RTTN: variants seen among roughly 807,000 people sequenced by gnomAD.
The protein encoded by RTTN is rotatin.
In RTTN, 182 loss-of-function variants were observed where a neutral mutation model predicts 269.2. The observed-to-expected ratio is 0.68, with a 90% CI of 0.60 to 0.76. RTTN has a LOEUF of 0.76. Ranked by LOEUF, RTTN falls within the 30% of genes least tolerant of loss-of-function variation. The pLI is 0.00. For missense variants in RTTN, 2,545 were observed against 2,608.6 expected, an observed-to-expected ratio of 0.98 and a Z score of 0.53; for synonymous variants, 1,006 against 963.5, an observed-to-expected ratio of 1.04 and a Z score of -0.82.
chr18:70,006,358 T>G, intron 47 of RTTN, 23 bp downstream of exon 47: 1 of 1,563,156 alleles, frequency 6.4e-7, no homozygotes, highest in Non-Finnish European at 8.8e-7. Context: ...TCCCCAGGTG[T>G]AACAATGATT....
In RTTN at chr18:70,048,097, T is replaced by C. The variant is rs2144777164; in HGVS notation, c.5415A>G (p.Glu1805=). The C allele has an allele frequency of 6.2e-7, 1 of 1,614,146 alleles. No individual in the cohort carries two copies. The highest frequency in any genetic ancestry group is 8.5e-7 in the Non-Finnish European group (1 of 1,179,996). ...LQFLSVLLTE[E]AKGHLQAKSK... is the part of the protein sequence containing the mutation. ...TCTTAGCCTGGAGATGCCCTTTTGC[T>C]TCTTCGGTCAAGAGAACAGAAAGGA... Residue 1805 remains glutamate, a synonymous_variant, in exon 40 of 49, where the codon GAA becomes GAG. Transcript: ENST00000640769.
At chr18:70,141,819 C>T (rs2060265187) in intron 19 of RTTN, among the ~76,000 whole-genome samples, 1 of 152,092 alleles carries the variant, frequency 6.6e-6, no homozygotes, top group Admixed American at 6.6e-5. Flanking sequence ...CTACAGTGTA[C>T]TATTTTTCTT....
rs573775671 is a variant in RTTN at position 70,141,348 on chromosome 18, C to G, written c.2581+940G>C. ...CAAAACTAACCCAAAGAACAAAAGC[C>G]TATGGAATAACAACACTACAAACAA... On this transcript the variant is annotated intron_variant, in intron 19 of 48. Coordinates refer to ENST00000640769, the MANE Select transcript of RTTN (RefSeq NM_173630.4). Among the ~76,000 whole-genome samples, 5 of 152,222 alleles carry G rather than the reference C, an allele frequency of 3.3e-5. No individual in the cohort carries two copies. The South Asian group carries it at 1.0e-3, about 32-fold the overall frequency.
At chr18:70,079,951 AATT>A (rs1281309955) in intron 32 of RTTN, among the ~76,000 whole-genome samples, 2 of 152,098 alleles carry the variant, frequency 1.3e-5, no homozygotes, top group Non-Finnish European at 2.9e-5. Context: ...GAGAAAAATG[AATT>A]ATTGTCATAT....
At chr18:70,026,900 G>C (rs2056869555) in intron 43 of RTTN, among the ~76,000 whole-genome samples, 1 of 152,236 alleles carries the variant, frequency 6.6e-6, no homozygotes, top group African/African-American at 2.4e-5. Flanking sequence ...TTTTTCACCT[G>C]GATGCCCCAA....
intron 40 of RTTN, among the ~76,000 whole-genome samples, chr18:70,043,563 T>A (rs1004024545): frequency 6.6e-6 from 1 of 152,140 alleles, no homozygotes; most frequent in Non-Finnish European, 1.5e-5. Context: ...AGAGAAGCTA[T>A]AAAAAGTAGC....
At chr18:70,069,235 A>G (rs1391168668) in intron 34 of RTTN, among the ~76,000 whole-genome samples, 1 of 152,206 alleles carries the variant, frequency 6.6e-6, no homozygotes, top group Non-Finnish European at 1.5e-5. Context: ...CTCTTAGGTG[A>G]CAGATGTGTT....
intron 12 of RTTN, 149 bp downstream of exon 12, chr18:70,168,706 A>T: frequency 3.5e-6 from 2 of 572,622 alleles, no homozygotes; most frequent in Non-Finnish European, 6.1e-6. Flanking sequence ...TAACCTGTTA[A>T]ATAACAGGTT....
rs199908033 is a variant in RTTN at position 70,204,201 on chromosome 18, C to A, written c.282G>T (p.Arg94=). The change falls in exon 3 of 49, where the codon CGG becomes CGT. Residue 94 remains arginine, a synonymous_variant. Transcript: ENST00000640769. ...VGAVEFLSKL[R]SNVEPNLQAE... is the part of the protein sequence containing the mutation. ...CCTGCAGATTTGGCTCCACATTAGACCGAAGCTTAGATAAGAACTCTACTG... is the reference window on the plus strand; with the variant it reads ...CCTGCAGATTTGGCTCCACATTAGAACGAAGCTTAGATAAGAACTCTACTG... 1,359 of 1,614,114 alleles carry A rather than the reference C, an allele frequency of 8.4e-4. 2 individuals are homozygous for A. Among genetic ancestry groups the A allele is most frequent in the Middle Eastern group, 3.0e-3 (18 of 6,062 alleles).
chr18:70,114,783 GA>G (rs1245430795), intron 26 of RTTN, among the ~76,000 whole-genome samples, 184 bp from the exon 27 acceptor site: 2 of 151,502 alleles, frequency 1.3e-5, no homozygotes, highest in African/African-American at 4.9e-5. Context: ...CTCAACAAAA[GA>G]AAAACATATT....
At chr18:70,099,075 G>A (rs942721995) in intron 28 of RTTN, among the ~76,000 whole-genome samples, 1 of 151,654 alleles carries the variant, frequency 6.6e-6, no homozygotes, top group Admixed American at 6.6e-5. Flanking sequence ...CATGAATATA[G>A]CAGCATGATT....
chr18:70,060,507 G>T (rs2057951608), intron 35 of RTTN, among the ~76,000 whole-genome samples: 1 of 151,332 alleles, frequency 6.6e-6, no homozygotes. Context: ...CATATTTATG[G>T]GGTACACATG....
intron 11 of RTTN, among the ~76,000 whole-genome samples, chr18:70,170,689 G>A (rs2061117024): frequency 6.6e-6 from 1 of 152,192 alleles, no homozygotes; most frequent in Non-Finnish European, 1.5e-5. Flanking sequence ...TCTGCTGAAA[G>A]CCACTGGAAC....
intron 37 of RTTN, among the ~76,000 whole-genome samples, chr18:70,056,558 G>T (rs1015828957): frequency 1.3e-5 from 2 of 152,138 alleles, no homozygotes; most frequent in African/African-American, 2.4e-5. Flanking sequence ...GAACACAATG[G>T]AACATAACAG....
At chr18:70,184,703 GT>G (rs374636456) in intron 10 of RTTN, among the ~76,000 whole-genome samples, 1,613 of 26,376 alleles carry the variant, frequency 0.061, 101 homozygotes, top group Admixed American at 0.15. Flanking sequence ...ACCACAGCAG[GT>G]TTTTTTTTTT....
intron 14 of RTTN, among the ~76,000 whole-genome samples, chr18:70,164,528 T>C (rs979384992): frequency 1.4e-5 from 2 of 146,554 alleles, no homozygotes; most frequent in African/African-American, 2.5e-5. Context: ...ATAAATTTTA[T>C]GTTATATATA....
chr18:70,056,534 A>G (rs966479993), intron 37 of RTTN, among the ~76,000 whole-genome samples: 8 of 152,228 alleles, frequency 5.3e-5, no homozygotes, highest in Admixed American at 3.9e-4. Context: ...GACAAGCCCT[A>G]TGCCAGACAC....
intron 30 of RTTN, among the ~76,000 whole-genome samples, chr18:70,090,791 G>A (rs550323894): frequency 7.9e-5 from 12 of 152,114 alleles, no homozygotes; most frequent in African/African-American, 1.2e-4. Context: ...CTTTATGGGC[G>A]GGGCTCTTGA....
At chr18:70,161,820 G>T (rs1209166916) in intron 14 of RTTN, among the ~76,000 whole-genome samples, 1 of 152,088 alleles carries the variant, frequency 6.6e-6, no homozygotes, top group Non-Finnish European at 1.5e-5. Flanking sequence ...CAGTCAGAAT[G>T]GCTATTATTA....
Sources: allele counts gnomAD v4.1 joint callset (sites outside exome capture counted in the v4.1 genomes callset), GRCh38; gene constraint gnomAD v4.1.1; transcripts MANE v1.5; gene names NCBI Gene and HGNC (gene_info 2026-07-23, HGNC 2026-07-21).